PICALM: variants seen among roughly 807,000 people sequenced by gnomAD.
The protein encoded by PICALM is phosphatidylinositol-binding clathrin assembly protein.
A neutral mutation model predicts 80.5 loss-of-function variants in PICALM; 40 were observed. The observed-to-expected ratio is 0.50, with a 90% CI of 0.39 to 0.65. The LOEUF is 0.65. PICALM is among the 30% of genes least tolerant of loss of function. The pLI is 0.00. For missense variants in PICALM, 676 were observed against 778.9 expected (o/e 0.87, Z 1.57); for synonymous variants, 288 against 260.3 (o/e 1.11, Z -1.02).
intron 18 of PICALM, among the ~76,000 whole-genome samples, chr11:85,975,592 CTTTTT>C (rs11407535): frequency 2.2e-5 from 2 of 89,642 alleles, no homozygotes; most frequent in South Asian, 3.9e-4. Context: ...TCTCAGCAGA[CTTTTT>C]TTTTTTTTTT....
chr11:86,052,032 C>T (rs2096197768), intron 1 of PICALM, among the ~76,000 whole-genome samples: 1 of 152,192 alleles, frequency 6.6e-6, no homozygotes, highest in Admixed American at 6.5e-5. Context: ...TTTTGTATGT[C>T]CTAACTAAAC....
intron 1 of PICALM, among the ~76,000 whole-genome samples, chr11:86,056,152 A>AG (rs1217922276): frequency 1.8e-4 from 26 of 148,234 alleles, no homozygotes; most frequent in African/African-American, 6.5e-4. Context: ...AAAAAAAAAG[A>AG]AAAAACCCTT....
At chr11:86,066,790 A>T (rs1159331633) in intron 1 of PICALM, among the ~76,000 whole-genome samples, 1 of 152,174 alleles carries the variant, frequency 6.6e-6, no homozygotes, top group Non-Finnish European at 1.5e-5. Flanking sequence ...TAACAAAAGA[A>T]TTAACACAGT....
chr11:86,035,651 C>G (rs559446455), intron 1 of PICALM, among the ~76,000 whole-genome samples: 1 of 152,088 alleles, frequency 6.6e-6, no homozygotes, highest in African/African-American at 2.4e-5. Context: ...ATCTAGAAAA[C>G]TGGAGATACG....
At chr11:85,967,574 T>C (rs2093944250) in intron 19 of PICALM, among the ~76,000 whole-genome samples, 1 of 152,244 alleles carries the variant, frequency 6.6e-6, no homozygotes, top group South Asian at 2.1e-4. Context: ...CCTCATGGTA[T>C]TCTGCAGTAG....
At position 86,068,528 on chromosome 11, in the gene PICALM, C is replaced by G. The variant is rs1157025449; in HGVS notation, c.130+123G>C. ...ACAGCTCAACGGGCACAGGACCGGC[C>G]GTGCCAGAGAAGACGCAGGGAGGGA... On this transcript the variant is annotated intron_variant, in intron 1 of 19. Transcript: ENST00000393346. 6 of 885,840 alleles carry G rather than the reference C, an allele frequency of 6.8e-6. No homozygotes were observed. In the African/African-American group the frequency reaches 8.5e-5, roughly 13 times the overall value. 54.9% of individuals were successfully genotyped at this position (885,840 alleles called of 1,614,324 possible). A position where few individuals can be genotyped will look rare whatever the true frequency, so the allele number is the denominator to read the frequency against.
chr11:85,981,616 A>C, intron 16 of PICALM, 129 bp downstream of exon 16: 1 of 713,796 alleles, frequency 1.4e-6, no homozygotes, highest in Non-Finnish European at 2.4e-6. Context: ...CAAAAAAAAA[A>C]AAAAAAGATG....
chr11:86,021,302 G>A (rs2095558327), intron 4 of PICALM, among the ~76,000 whole-genome samples: 2 of 152,130 alleles, frequency 1.3e-5, no homozygotes, highest in African/African-American at 2.4e-5. Flanking sequence ...AGTGAGCTGG[G>A]ATGGTGCCAC....
chr11:85,987,850 G>A (rs1037550738), intron 13 of PICALM, among the ~76,000 whole-genome samples: 1 of 152,222 alleles, frequency 6.6e-6, no homozygotes, highest in Non-Finnish European at 1.5e-5. Context: ...AGTCATGTAT[G>A]TAAACTTCAG....
rs59672357 is a variant in PICALM at position 85,982,423 on chromosome 11, CTTT to C, written c.1517-423_1517-421del. ...ACGTTAAGAAATAAGATTTTATAGA[CTTT>C]TTTTTTTTTTTTGAGACGGAGTCTT... On this transcript the variant is annotated intron_variant, in intron 14 of 19. Transcript: ENST00000393346. Among the ~76,000 whole-genome samples, 257 of 70,176 alleles carry C rather than the reference CTTT, an allele frequency of 3.7e-3. 15 individuals are homozygous for C. The highest frequency in any genetic ancestry group is 0.016 in the African/African-American group (244 of 15,474). The allele number at this position is 70,176 out of a possible 152,430, so 46.0% of individuals were successfully genotyped here.
rs377370233 is a variant in PICALM, at chr11:85,981,167, T to G, written c.1741A>C (p.Lys581Gln). 1 of 1,608,424 alleles carries G rather than the reference T, an allele frequency of 6.2e-7. No individual in the cohort carries two copies. The highest frequency in any genetic ancestry group is 8.5e-7 in the Non-Finnish European group (1 of 1,174,902). ...KLTGGSNWQPKVAPTTAWNAA... is the reference protein window; with the variant it reads ...KLTGGSNWQPQVAPTTAWNAA... ...TTCCAAGCGGTTGTTGGTGCAACCT[T>G]TGGTTGCCAGTTAGATCCCCCAGTT... The change falls in exon 17 of 20, where the codon AAG becomes CAG. Residue 581 changes from lysine (K) to glutamine (Q), a missense_variant. Lys to Gln is a moderately conservative substitution (Grantham distance 53, BLOSUM62 1). This residue lies in a region of PICALM where 391 missense variants were observed against 383.6 expected (regional missense o/e 1.02). Transcript: ENST00000393346.
At position 86,036,774 on chromosome 11, in the gene PICALM, A is replaced by G. The variant is rs2095848654; in HGVS notation, c.131-5163T>C. 1.3e-5 allele frequency among the ~76,000 whole-genome samples: 2 copies of G among 152,112 alleles called. 1 individual carries two copies. The stretch of plus-strand genomic sequence containing the variant: ...CATATTAAGTCAAAAGTTATAGTAA[A>G]GAAAAATACACAGTACAATTCCATT... On this transcript the variant is annotated intron_variant, in intron 1 of 19. Transcript: ENST00000393346.
intron 12 of PICALM, among the ~76,000 whole-genome samples, chr11:85,996,179 T>C (rs141841151): frequency 2.6e-4 from 39 of 152,264 alleles, no homozygotes; most frequent in African/African-American, 9.4e-4. Context: ...GCTTTGTTTA[T>C]ATACTATAAA....
At chr11:86,049,223 C>T (rs578242668) in intron 1 of PICALM, among the ~76,000 whole-genome samples, 1 of 152,132 alleles carries the variant, frequency 6.6e-6, no homozygotes, top group South Asian at 2.1e-4. Context: ...GAACCCAGTG[C>T]AGTGAGCTGA....
intron 1 of PICALM, among the ~76,000 whole-genome samples, chr11:86,040,983 G>A (rs2095953832): frequency 6.6e-6 from 1 of 152,150 alleles, no homozygotes; most frequent in Admixed American, 6.5e-5. Flanking sequence ...AGGATTCAGA[G>A]ATGGCAAAAA....
intron 1 of PICALM, among the ~76,000 whole-genome samples, chr11:86,056,491 A>T (rs967164163): frequency 6.6e-6 from 1 of 152,066 alleles, no homozygotes; most frequent in African/African-American, 2.4e-5. Flanking sequence ...ACTATTTTTT[A>T]AAAATCATAA....
At chr11:86,027,600 C>T (rs553498242) in intron 2 of PICALM, among the ~76,000 whole-genome samples, 99 of 151,778 alleles carry the variant, frequency 6.5e-4, no homozygotes, top group Non-Finnish European at 1.2e-3. Flanking sequence ...AGCAATCCTC[C>T]CATCTCAGTA....
chr11:86,067,214 T>C (rs536583129), intron 1 of PICALM, among the ~76,000 whole-genome samples: 2 of 152,310 alleles, frequency 1.3e-5, no homozygotes, highest in African/African-American at 4.8e-5. Flanking sequence ...AAAGTCCAAA[T>C]GAGAAATCAA....
chr11:85,992,454 T>C (rs149582677), intron 12 of PICALM, among the ~76,000 whole-genome samples: 1 of 152,148 alleles, frequency 6.6e-6, no homozygotes, highest in East Asian at 1.9e-4. Context: ...TCAGCTCATT[T>C]TTCTATTTTT....
Sources: gnomAD v4.1 joint callset for allele counts (sites outside exome capture counted in the v4.1 genomes callset) on GRCh38, gnomAD v4.1.1 for gene constraint, gnomAD v4.1.1 regional missense constraint, MANE v1.5 for transcripts, NCBI Gene and HGNC (gene_info 2026-07-23, HGNC 2026-07-21) for gene names.